CYP2B6: variants seen among roughly 807,000 people sequenced by gnomAD.
The protein encoded by CYP2B6 is cytochrome P450 2B6.
In CYP2B6, 35 loss-of-function variants were observed where a neutral mutation model predicts 43.4. The ratio of observed to expected loss-of-function variants is 0.81; its 90% CI spans 0.62 to 1.07. The LOEUF is 1.07. Ranked by LOEUF, CYP2B6 falls within the 50% of genes least tolerant of loss-of-function variation. CYP2B6 has a pLI of 0.00. For synonymous variants in CYP2B6, 239 were observed against 239.2 expected (o/e 1.00, Z 0.01); for missense variants, 624 against 632.8 (o/e 0.99, Z 0.15).
rs763513488 is a variant in CYP2B6, at chr19:41,004,144, C to T, written c.315C>T (p.Asp105=). The T allele has an allele frequency of 5.0e-6, 8 of 1,611,940 alleles. 1 individual carries two copies. In the South Asian group the frequency reaches 8.8e-5, roughly 18 times the overall value. The change falls in exon 2 of 9, where the codon GAC becomes GAT. Residue 105 remains aspartate (D), a synonymous_variant. Coordinates refer to ENST00000324071, the MANE Select transcript of CYP2B6 (RefSeq NM_000767.5). The part of the protein sequence containing the change: ...FSGRGKIAMV[D]PFFRGYGVIF... Reference sequence around the variant, plus strand: ...GCCGGGGAAAAATCGCCATGGTCGACCCATTCTTCCGGGGATATGGTGAGA... The same window carrying T: ...GCCGGGGAAAAATCGCCATGGTCGATCCATTCTTCCGGGGATATGGTGAGA...
chr19:41,008,709 T>G (rs902832067), intron 4 of CYP2B6, among the ~76,000 whole-genome samples: 3 of 152,160 alleles, frequency 2.0e-5, no homozygotes, highest in Non-Finnish European at 2.9e-5. Context: ...TGACTATATA[T>G]GTTTGCATTT....
In CYP2B6 at chr19:41,016,433, A is replaced by AAAAAAAAAGAGAG. The variant is rs1568564700; in HGVS notation, c.1295-212_1295-211insAAAAAAAGAGAGA. On this transcript the variant is annotated intron_variant, in intron 8 of 8. Coordinates refer to ENST00000324071, the MANE Select transcript of CYP2B6 (RefSeq NM_000767.5). ...AAAAAAAAAAAAAAAAAAAAAAAAA[A>AAAAAAAAAGAGAG]AGAGAGAGAGAGAAATGAACGTGGC... 2.9e-4 allele frequency among the ~76,000 whole-genome samples: 29 copies of AAAAAAAAAGAGAG among 98,946 alleles called. 1 individual carries two copies. Among genetic ancestry groups the AAAAAAAAAGAGAG allele is most frequent in the African/African-American group, 1.2e-3 (29 of 23,926 alleles). 64.9% of individuals were successfully genotyped at this position (98,946 alleles called of 152,430 possible).
chr19:40,993,655 A>G (rs1476764992), intron 1 of CYP2B6, among the ~76,000 whole-genome samples: 2 of 152,144 alleles, frequency 1.3e-5, no homozygotes, highest in Admixed American at 6.5e-5. Context: ...GAGCCAAACC[A>G]TATCACTTAC....
At chr19:41,003,899 G>T in intron 1 of CYP2B6, 102 bp from the exon 2 acceptor site, 1 of 1,508,812 alleles carries the variant, frequency 6.6e-7, no homozygotes, top group East Asian at 2.4e-5. Flanking sequence ...GCGGATGTTG[G>T]GGAGGGGCTA....
chr19:41,008,841 A>G (rs4061283), intron 4 of CYP2B6, among the ~76,000 whole-genome samples: 30 of 152,276 alleles, frequency 2.0e-4, no homozygotes, highest in Middle Eastern at 6.8e-3. Flanking sequence ...TTTTATTAAT[A>G]TCTGACACAG....
At chr19:40,998,693 C>T (rs199696183) in intron 1 of CYP2B6, among the ~76,000 whole-genome samples, 2 of 138,006 alleles carry the variant, frequency 1.4e-5, no homozygotes, top group Non-Finnish European at 3.1e-5. Context: ...TTTGTTCTTG[C>T]GATAGTTTAC....
Position 41,012,717 on chromosome 19 carries a change from C to T in CYP2B6, c.1196C>T (p.Pro399Leu). Residue 399 changes from proline (P) to leucine (L), a missense_variant, in exon 8 of 9, where the codon CCA becomes CTA. Transcript: ENST00000324071. ...ATCCTGAGCACTGCTCTCCATGACC[C>T]ACACTACTTTGAAAAACCAGACGCC... ...FLILSTALHD[P>L]HYFEKPDAFN... 1 of 1,614,106 alleles carries T rather than the reference C, an allele frequency of 6.2e-7. No individual in the cohort carries two copies. The highest frequency in any genetic ancestry group is 8.5e-7 in the Non-Finnish European group (1 of 1,180,038).
Position 41,016,540 on chromosome 19 carries a change from A to C in CYP2B6, c.1295-106A>C, listed in dbSNP as rs1194829779. 3 of 1,205,758 alleles carry C rather than the reference A, an allele frequency of 2.5e-6. No homozygotes were observed. The African/African-American group carries it at 4.5e-5, about 18-fold the overall frequency. The allele number at this position is 1,205,758 out of a possible 1,614,324, so 74.7% of individuals were successfully genotyped here. Reference sequence around the variant, plus strand: ...GAATTGTAGGTTAAAGGCCAGTCTTATGCAAATCTGTTGCAGTGGACATTT... The same window carrying C: ...GAATTGTAGGTTAAAGGCCAGTCTTCTGCAAATCTGTTGCAGTGGACATTT... On this transcript the variant is annotated intron_variant, in intron 8 of 8. Transcript: ENST00000324071.
intron 1 of CYP2B6, 60 bp from the exon 2 acceptor site, chr19:41,003,941 G>A (rs1482079406): frequency 6.3e-7 from 1 of 1,582,148 alleles, no homozygotes; most frequent in Non-Finnish European, 8.7e-7. Flanking sequence ...TATTTTGATA[G>A]TTTTACAAAT....
At chr19:41,012,257 C>T (rs1207080661) in intron 6 of CYP2B6, 41 bp from the exon 7 acceptor site, 8 of 1,601,834 alleles carry the variant, frequency 5.0e-6, no homozygotes, top group Non-Finnish European at 6.8e-6. Context: ...GCCTGAAATG[C>T]CTCTTTAAAA....
In CYP2B6 at chr19:41,008,072, T is replaced by G. The variant is rs953150182; in HGVS notation, c.645+1007T>G. Among the ~76,000 whole-genome samples the G allele has an allele frequency of 1.5e-4, 23 of 151,888 alleles. 1 individual carries two copies. The highest frequency in any genetic ancestry group is 5.3e-4 in the African/African-American group (22 of 41,312). ...CCCTCTGTGTTTTTTTTTTTAACTT[T>G]CCCCAGATTGTAAAGGCAGTCTTCT... On this transcript the variant is annotated intron_variant, in intron 4 of 8. Transcript: ENST00000324071.
chr19:41,007,464 T>G, intron 4 of CYP2B6: 1 of 190,240 alleles, frequency 5.3e-6, no homozygotes, highest in Non-Finnish European at 1.1e-5. Context: ...GTCATTTCTG[T>G]TTTATTTTTT....
intron 5 of CYP2B6, 139 bp downstream of exon 5, chr19:41,009,534 G>A (rs1969245320): frequency 1.1e-6 from 1 of 930,766 alleles, no homozygotes; most frequent in African/African-American, 1.7e-5. Flanking sequence ...ATAGGGAAAG[G>A]GAGGAGAGAA....
chr19:41,000,468 A>G (rs1969067196), intron 1 of CYP2B6, among the ~76,000 whole-genome samples: 1 of 152,200 alleles, frequency 6.6e-6, no homozygotes. Context: ...GCCAGGGCCT[A>G]CAAAGTGCTG....
At chr19:40,995,750 A>G (rs1968990658) in intron 1 of CYP2B6, among the ~76,000 whole-genome samples, 1 of 152,168 alleles carries the variant, frequency 6.6e-6, no homozygotes, top group Non-Finnish European at 1.5e-5. Context: ...AATCAATAAT[A>G]CCTGAGACCA....
chr19:40,997,108 C>A (rs1969009290), intron 1 of CYP2B6, among the ~76,000 whole-genome samples: 1 of 151,792 alleles, frequency 6.6e-6, no homozygotes, highest in African/African-American at 2.4e-5. Flanking sequence ...TGGCACGAAT[C>A]AAATAGATCT....
intron 1 of CYP2B6, among the ~76,000 whole-genome samples, chr19:41,001,880 G>A (rs536245790): frequency 8.5e-5 from 13 of 152,084 alleles, no homozygotes; most frequent in African/African-American, 3.1e-4. Context: ...CTAAAGCAGG[G>A]GGATATTTCA....
intron 6 of CYP2B6, 142 bp downstream of exon 6, chr19:41,010,277 C>G (rs2306606): frequency 2.1e-6 from 2 of 967,504 alleles, no homozygotes; most frequent in Admixed American, 2.1e-5. Context: ...TAGATTCCAA[C>G]CAAGCCAATT....
chr19:41,005,501 G>A (rs55884100), intron 3 of CYP2B6, among the ~76,000 whole-genome samples: 9,228 of 151,672 alleles, frequency 0.061, 938 homozygotes, highest in African/African-American at 0.21. Context: ...AAAAATATAG[G>A]TTGGGTATGG....
Sources: gnomAD v4.1 joint callset for allele counts (sites outside exome capture counted in the v4.1 genomes callset) on GRCh38, gnomAD v4.1.1 for gene constraint, MANE v1.5 for transcripts, NCBI Gene and HGNC (gene_info 2026-07-23, HGNC 2026-07-21) for gene names.